Variants in LIN9 observed in about 807,000 individuals in gnomAD.
LIN9 encodes the protein lin-9 DREAM MuvB core complex component.
LIN9 carries 18 observed loss-of-function variants against 78.0 expected under a neutral mutation model. That is an observed-to-expected ratio of 0.23 (90% CI 0.16 to 0.34). LIN9 has a LOEUF of 0.34. Among genes scored for constraint, LIN9 ranks in the 10% least tolerant of loss-of-function variants. The probability of loss-of-function intolerance (pLI) is 1.00; values close to 1 mark genes in which losing one functional copy is unlikely to be tolerated. For synonymous variants in LIN9, 192 were observed against 215.2 expected, an observed-to-expected ratio of 0.89 and a Z score of 0.94; for missense variants, 451 against 644.1, an observed-to-expected ratio of 0.70 and a Z score of 3.25.
intron 6 of LIN9, 151 bp from the exon 7 acceptor site, chr1:226,278,083 C>T (rs1312343224): frequency 1.7e-6 from 1 of 596,582 alleles, no homozygotes; most frequent in African/African-American, 1.9e-5. Context: ...ACCTCCATCT[C>T]CGGCTCAAGC....
intron 3 of LIN9, 32 bp downstream of exon 3, chr1:226,297,687 A>T (rs1392638712): frequency 1.4e-6 from 2 of 1,413,960 alleles, no homozygotes; most frequent in Non-Finnish European, 1.9e-6. Context: ...AGCTAGAATT[A>T]TTCTAAAATG....
intron 11 of LIN9, among the ~76,000 whole-genome samples, chr1:226,242,920 T>C (rs1658208569): frequency 6.6e-6 from 1 of 152,138 alleles, no homozygotes; most frequent in Admixed American, 6.5e-5. Flanking sequence ...AACATTTCCT[T>C]TTCTCTAGCT....
At chr1:226,286,253 C>T in intron 6 of LIN9, 80 bp downstream of exon 6, 1 of 1,476,104 alleles carries the variant, frequency 6.8e-7, no homozygotes, top group Non-Finnish European at 9.1e-7. Context: ...TCTTAGCCTT[C>T]CAAGTAACTG....
intron 11 of LIN9, among the ~76,000 whole-genome samples, chr1:226,241,785 G>A (rs371900007): frequency 9.2e-5 from 14 of 152,070 alleles, no homozygotes; most frequent in African/African-American, 3.4e-4. Context: ...ATGAACCCGC[G>A]AGGTGGAGCT....
chr1:226,268,108 G>A lies in LIN9; in HGVS notation c.683-18C>T, dbSNP rs201428204. ...TAATCGTGCTGAGAAAAGAACAAAG[G>A]CATTATGATGTGTGGGAGATACAAA... On this transcript the variant is annotated intron_variant, in intron 7 of 14. Coordinates refer to ENST00000681046, the MANE Select transcript of LIN9 (RefSeq NM_001366245.2). 28 of 1,609,506 alleles carry A rather than the reference G, an allele frequency of 1.7e-5. No individual in the cohort carries two copies. The highest frequency in any genetic ancestry group is 2.1e-5 in the Non-Finnish European group (25 of 1,177,652).
chr1:226,296,061 G>A, intron 3 of LIN9, 115 bp from the exon 4 acceptor site: 1 of 631,604 alleles, frequency 1.6e-6, no homozygotes, highest in Non-Finnish European at 2.7e-6. Context: ...CAGTATGGAA[G>A]GATAAAGTAT....
intron 10 of LIN9, among the ~76,000 whole-genome samples, chr1:226,256,699 C>T (rs1659219622): frequency 6.7e-6 from 1 of 149,794 alleles, no homozygotes; most frequent in Non-Finnish European, 1.5e-5. Context: ...GCTGGGACTA[C>T]AGGCGCCCAC....
chr1:226,250,898 T>G lies in LIN9; in HGVS notation c.1060A>C (p.Met354Leu), dbSNP rs576057597. Residue 354 changes from methionine (M) to leucine (L), a missense_variant, in exon 11 of 15, where the codon ATG becomes CTG. Transcript: ENST00000681046. Reference protein sequence around the residue: ...IQVTRLSKILMIKKEHIKKLR... With the variant: ...IQVTRLSKILLIKKEHIKKLR... ...TTCTTGATATGTTCCTTTTTAATCATGAGAATTTTTGATAATCTGGTCTAC... is the reference window on the plus strand; with the variant it reads ...TTCTTGATATGTTCCTTTTTAATCAGGAGAATTTTTGATAATCTGGTCTAC... The G allele has an allele frequency of 6.6e-7, 1 of 1,525,824 alleles. No individual in the cohort carries two copies. Among genetic ancestry groups the G allele is most frequent in the Non-Finnish European group, 9.0e-7 (1 of 1,109,528 alleles). The allele number at this position is 1,525,824 out of a possible 1,614,324, so 94.5% of individuals were successfully genotyped here. A position where few individuals can be genotyped will look rare whatever the true frequency, so the allele number is the denominator to read the frequency against.
chr1:226,272,788 C>A (rs1660386615), intron 7 of LIN9, among the ~76,000 whole-genome samples: 2 of 152,032 alleles, frequency 1.3e-5, no homozygotes, highest in African/African-American at 2.4e-5. Context: ...AGATCATGTG[C>A]CTGCCTTTTT....
At chr1:226,270,173 G>A (rs1174386069) in intron 7 of LIN9, among the ~76,000 whole-genome samples, 3 of 152,038 alleles carry the variant, frequency 2.0e-5, no homozygotes, top group Non-Finnish European at 2.9e-5. Flanking sequence ...TGATCCGCCC[G>A]CCTCAGACTC....
intron 10 of LIN9, among the ~76,000 whole-genome samples, chr1:226,263,791 G>C (rs1018034019): frequency 1.3e-5 from 2 of 152,118 alleles, no homozygotes; most frequent in African/African-American, 4.8e-5. Context: ...TATATCATTG[G>C]CTGGGCATGG....
At chr1:226,274,583 C>G (rs917100970) in intron 7 of LIN9, among the ~76,000 whole-genome samples, 1 of 151,952 alleles carries the variant, frequency 6.6e-6, no homozygotes, top group African/African-American at 2.4e-5. Context: ...AATGTCCCCT[C>G]TCTCCTGTTT....
At chr1:226,290,840 T>C (rs557783438) in intron 4 of LIN9, among the ~76,000 whole-genome samples, 1 of 152,142 alleles carries the variant, frequency 6.6e-6, no homozygotes, top group South Asian at 2.1e-4. Context: ...CACTGCAGCC[T>C]TCGCCTCCCA....
At chr1:226,246,943 TC>T (rs1395540798) in intron 11 of LIN9, among the ~76,000 whole-genome samples, 2 of 152,168 alleles carry the variant, frequency 1.3e-5, no homozygotes, top group African/African-American at 4.8e-5. Context: ...ACTGCTTTTG[TC>T]CCATTCTTTC....
intron 2 of LIN9, among the ~76,000 whole-genome samples, chr1:226,300,004 T>C (rs1175124507): frequency 6.6e-6 from 1 of 151,580 alleles, no homozygotes; most frequent in Non-Finnish European, 1.5e-5. Flanking sequence ...GGTGGCGCGA[T>C]CTTGGCTTAC....
intron 6 of LIN9, among the ~76,000 whole-genome samples, chr1:226,285,229 G>T (rs1246287753): frequency 6.6e-6 from 1 of 152,072 alleles, no homozygotes; most frequent in Non-Finnish European, 1.5e-5. Context: ...AACTCAATTT[G>T]CTCAAACACG....
intron 7 of LIN9, among the ~76,000 whole-genome samples, chr1:226,273,383 G>C (rs1660433453): frequency 6.6e-6 from 1 of 150,896 alleles, no homozygotes; most frequent in Non-Finnish European, 1.5e-5. Context: ...CAAGGAACTG[G>C]AACTACAGGA....
intron 5 of LIN9, among the ~76,000 whole-genome samples, chr1:226,286,997 CA>C (rs1160683867): frequency 6.6e-6 from 1 of 152,146 alleles, no homozygotes; most frequent in Non-Finnish European, 1.5e-5. Flanking sequence ...GGCAATGATA[CA>C]TAAATGCCTT....
At chr1:226,288,709 T>A (rs1179260645) in intron 4 of LIN9, among the ~76,000 whole-genome samples, 1 of 149,652 alleles carries the variant, frequency 6.7e-6, no homozygotes. Flanking sequence ...TATGTAGGAA[T>A]ATACTTACGA....
Sources: allele counts gnomAD v4.1 joint callset (sites outside exome capture counted in the v4.1 genomes callset), GRCh38; gene constraint gnomAD v4.1.1; transcripts MANE v1.5; gene names NCBI Gene and HGNC (gene_info 2026-07-23, HGNC 2026-07-21).